Variants in PARD3 observed in about 807,000 individuals in gnomAD.
The protein encoded by PARD3 is partitioning defective 3 homolog.
Under a neutral mutation model 155.4 loss-of-function variants are expected in PARD3, and 75 were observed. The observed-to-expected ratio is 0.48, with a 90% CI of 0.40 to 0.58. PARD3 has a LOEUF of 0.58. Ranked by LOEUF, PARD3 falls within the 20% of genes least tolerant of loss-of-function variation. The pLI, the probability that PARD3 is intolerant of heterozygous loss-of-function variation, is 0.00. For missense variants in PARD3, 1,642 were observed against 1,721.7 expected (o/e 0.95, Z 0.82); for synonymous variants, 576 against 610.5 (o/e 0.94, Z 0.83).
chr10:34,488,342 CAG>C (rs1227955795), intron 3 of PARD3, among the ~76,000 whole-genome samples: 1 of 151,596 alleles, frequency 6.6e-6, no homozygotes, highest in African/African-American at 2.4e-5. Context: ...TTTTTTGAGA[CAG>C]AGTCTCGCTC....
chr10:34,274,083 T>C (rs1158070648), intron 21 of PARD3, among the ~76,000 whole-genome samples: 1 of 152,204 alleles, frequency 6.6e-6, no homozygotes, highest in African/African-American at 2.4e-5. Context: ...CCTTATTTCC[T>C]GAGGTGACAA....
chr10:34,205,124 C>A (rs186651092), intron 22 of PARD3, among the ~76,000 whole-genome samples: 1 of 152,238 alleles, frequency 6.6e-6, no homozygotes, highest in Non-Finnish European at 1.5e-5. Context: ...AGCCTCAGGG[C>A]TCTAGTGAAA....
At chr10:34,595,316 T>C (rs921288087) in intron 2 of PARD3, among the ~76,000 whole-genome samples, 8 of 152,194 alleles carry the variant, frequency 5.3e-5, no homozygotes, top group African/African-American at 1.7e-4. Context: ...GAAATTTCCA[T>C]TGCAAAATAT....
intron 7 of PARD3, among the ~76,000 whole-genome samples, chr10:34,387,125 C>A (rs1316593036): frequency 1.3e-5 from 2 of 152,122 alleles, no homozygotes; most frequent in Admixed American, 1.3e-4. Flanking sequence ...AGACTCACTC[C>A]AGTTAATGAG....
chr10:34,183,162 G>A lies in PARD3; in HGVS notation c.3420-51579C>T, dbSNP rs907269506. The stretch of plus-strand genomic sequence containing the variant: ...GCAGTGACTGAGTGAATAAGTCAAC[G>A]CATGAATGAATCTCTGAACTGACTA... On this transcript the variant is annotated intron_variant, in intron 22 of 24. Coordinates refer to ENST00000374788, the MANE Select transcript of PARD3 (RefSeq NM_001184785.2). Among the ~76,000 whole-genome samples the A allele has an allele frequency of 7.2e-5, 11 of 152,254 alleles. 1 individual carries two copies. Among genetic ancestry groups the A allele is most frequent in the Admixed American group, 4.6e-4 (7 of 15,290 alleles).
intron 2 of PARD3, among the ~76,000 whole-genome samples, chr10:34,578,016 T>C (rs1197064969): frequency 6.6e-6 from 1 of 151,400 alleles, no homozygotes; most frequent in Admixed American, 6.6e-5. Context: ...CACACCTCAC[T>C]ACATGCGGCT....
intron 2 of PARD3, among the ~76,000 whole-genome samples, chr10:34,684,820 C>CACAT (rs1554810169): frequency 0.017 from 2,099 of 125,608 alleles, 46 homozygotes; most frequent in East Asian, 0.068. Context: ...CACACACACA[C>CACAT]ACACACACAC....
At chr10:34,464,584 G>C (rs116734179) in intron 4 of PARD3, among the ~76,000 whole-genome samples, 3 of 151,922 alleles carry the variant, frequency 2.0e-5, no homozygotes, top group African/African-American at 7.3e-5. Flanking sequence ...TACTTCTAAA[G>C]GTTACTTATA....
intron 1 of PARD3, among the ~76,000 whole-genome samples, chr10:34,778,756 A>G (rs1184119808): frequency 6.6e-6 from 1 of 152,228 alleles, no homozygotes; most frequent in Non-Finnish European, 1.5e-5. Context: ...GTGACAAATT[A>G]TGTTTTTAAT....
At position 34,617,576 on chromosome 10, in the gene PARD3, G is replaced by A. The variant is rs763786405; in HGVS notation, c.222+78742C>T. Among the ~76,000 whole-genome samples, 93 of 152,236 alleles carry A rather than the reference G, an allele frequency of 6.1e-4. 1 individual carries two copies. Among genetic ancestry groups the A allele is most frequent in the Admixed American group, 5.5e-3 (84 of 15,290 alleles). On this transcript the variant is annotated intron_variant, in intron 2 of 24. Coordinates refer to ENST00000374788, the MANE Select transcript of PARD3 (RefSeq NM_001184785.2). ...TTACACATCACTTAAATATCACACC[G>A]TATGCCATAAATATGTATAATTTTT...
intron 2 of PARD3, among the ~76,000 whole-genome samples, chr10:34,606,706 A>C (rs2090484722): frequency 6.6e-6 from 1 of 150,832 alleles, no homozygotes; most frequent in Non-Finnish European, 1.5e-5. Context: ...ATGGTGGCTC[A>C]CGCCTGTAAT....
chr10:34,814,996 G>C lies in PARD3; in HGVS notation c.-1C>G, dbSNP rs1260731155. On this transcript the variant is annotated 5_prime_UTR_variant, in exon 1 of 25. Coordinates refer to ENST00000374788, the MANE Select transcript of PARD3 (RefSeq NM_001184785.2). The stretch of plus-strand genomic sequence containing the variant: ...GTCCGAAGCACACGGTCACTTTCAT[G>C]CCGCCGCCGCCGCGGGCGGGCCCGC... 2 of 1,464,660 alleles carry C rather than the reference G, an allele frequency of 1.4e-6. No individual in the cohort carries two copies. The highest frequency in any genetic ancestry group is 2.7e-5 in the South Asian group (2 of 75,250). 90.7% of individuals were successfully genotyped at this position (1,464,660 alleles called of 1,614,324 possible). A position where few individuals can be genotyped will look rare whatever the true frequency, so the allele number is the denominator to read the frequency against.
At chr10:34,568,160 T>C (rs2086109207) in intron 2 of PARD3, among the ~76,000 whole-genome samples, 1 of 152,316 alleles carries the variant, frequency 6.6e-6, no homozygotes, top group African/African-American at 2.4e-5. Context: ...GAAAAGGGAA[T>C]GAGTTTTAGG....
chr10:34,143,729 G>A (rs1948320658), intron 22 of PARD3, among the ~76,000 whole-genome samples: 1 of 152,090 alleles, frequency 6.6e-6, no homozygotes, highest in Non-Finnish European at 1.5e-5. Flanking sequence ...TATATCACCT[G>A]TAAGTTTCAT....
At chr10:34,452,873 C>T (rs535132710) in intron 4 of PARD3, among the ~76,000 whole-genome samples, 12 of 152,288 alleles carry the variant, frequency 7.9e-5, no homozygotes, top group Non-Finnish European at 1.5e-5. Flanking sequence ...ACTCTCTTTC[C>T]TCCCTCTTTG....
chr10:34,795,300 C>G (rs544749421), intron 1 of PARD3, among the ~76,000 whole-genome samples: 4 of 152,274 alleles, frequency 2.6e-5, no homozygotes, highest in African/African-American at 9.6e-5. Flanking sequence ...ATGCCCAATT[C>G]CAGTTCACTG....
intron 2 of PARD3, among the ~76,000 whole-genome samples, chr10:34,606,724 C>T (rs2090486644): frequency 6.7e-6 from 1 of 150,258 alleles, no homozygotes; most frequent in Admixed American, 6.6e-5. Context: ...AATCCCAGCA[C>T]TTTGGGAGGC....
chr10:34,356,754 G>A (rs1838925676), intron 14 of PARD3, among the ~76,000 whole-genome samples: 2 of 152,182 alleles, frequency 1.3e-5, no homozygotes, highest in South Asian at 4.1e-4. Flanking sequence ...GAAAAATCAT[G>A]TCTTATACCT....
intron 14 of PARD3, among the ~76,000 whole-genome samples, chr10:34,353,426 G>GTTTCA: frequency 6.6e-6 from 1 of 152,242 alleles, no homozygotes; most frequent in East Asian, 1.9e-4. Flanking sequence ...CCCCAACCCC[G>GTTTCA]TGCTCTCTGA....
Sources: gnomAD v4.1 joint callset for allele counts (sites outside exome capture counted in the v4.1 genomes callset) on GRCh38, gnomAD v4.1.1 for gene constraint, MANE v1.5 for transcripts, NCBI Gene and HGNC (gene_info 2026-07-23, HGNC 2026-07-21) for gene names.